Variants in CLASRP observed in about 807,000 individuals in gnomAD.
The protein encoded by CLASRP is CLK4-associating serine/arginine rich protein.
In CLASRP, 52 loss-of-function variants were observed where a neutral mutation model predicts 99.9. The observed-to-expected ratio is 0.52, with a 90% CI of 0.42 to 0.66. The LOEUF (loss-of-function observed/expected upper bound fraction) is 0.66. Ranked by LOEUF, CLASRP falls within the 30% of genes least tolerant of loss-of-function variation. CLASRP has a pLI of 0.00. For missense variants in CLASRP, 848 were observed against 999.2 expected (o/e 0.85, Z 2.04); for synonymous variants, 379 against 373.0 (o/e 1.02, Z -0.18).
intron 11 of CLASRP, 62 bp downstream of exon 11, chr19:45,062,257 GC>G: frequency 3.2e-6 from 3 of 941,050 alleles, no homozygotes; most frequent in East Asian, 2.4e-5. Context: ...GGACAGGGGT[GC>G]TGAGGAGGGG....
In CLASRP at chr19:45,056,405, A is replaced by G. The variant is rs776306248; in HGVS notation, c.380-45A>G. The G allele has an allele frequency of 3.1e-5, 48 of 1,568,528 alleles. No homozygotes were observed. In the East Asian group the frequency reaches 1.0e-3, roughly 33 times the overall value. On this transcript the variant is annotated intron_variant, in intron 5 of 20. Coordinates refer to ENST00000221455, the MANE Select transcript of CLASRP (RefSeq NM_007056.3). ...CCTTGTGTTCCCCCACTGAATTCCT[A>G]GTGTCCCCAACCCACTCTGACCTGG...
chr19:45,052,034 T>C (rs1056353141), intron 2 of CLASRP, 37 bp from the exon 3 acceptor site: 1 of 1,554,578 alleles, frequency 6.4e-7, no homozygotes, highest in African/African-American at 1.4e-5. Flanking sequence ...TTTGGAGCTC[T>C]GTTGGGTGGT....
At chr19:45,055,361 G>C (rs370617188) in intron 5 of CLASRP, among the ~76,000 whole-genome samples, 1 of 152,348 alleles carries the variant, frequency 6.6e-6, no homozygotes, top group South Asian at 2.1e-4. Flanking sequence ...GAGGGGCAGA[G>C]AGAAGGCCCG....
chr19:45,063,342 A>C (rs1279717529), intron 11 of CLASRP, among the ~76,000 whole-genome samples: 1 of 150,746 alleles, frequency 6.6e-6, no homozygotes, highest in Admixed American at 6.6e-5. Context: ...GAATTGCACC[A>C]CACTCAGTGT....
In CLASRP at chr19:45,061,785, TATCATC is replaced by T. The variant is rs553847506; in HGVS notation, c.864-348_864-343del. ...CACCGCACCCAGCCTATTTTAATCT[TATCATC>T]ATCATCATCATCATCATCATTAGTA... is the stretch of plus-strand genomic sequence containing the variant. On this transcript the variant is annotated intron_variant, in intron 10 of 20. Transcript: ENST00000221455. Among the ~76,000 whole-genome samples, 13 of 151,474 alleles carry T rather than the reference TATCATC, an allele frequency of 8.6e-5. 1 individual carries two copies. The highest frequency in any genetic ancestry group is 3.2e-4 in the African/African-American group (13 of 41,266).
chr19:45,052,722 G>A (rs1972047347), intron 3 of CLASRP, 69 bp from the exon 4 acceptor site: 1 of 1,144,068 alleles, frequency 8.7e-7, no homozygotes, highest in Non-Finnish European at 1.3e-6. Context: ...CTGGCAGGGA[G>A]CAGGTGCTTT....
At position 45,052,239 on chromosome 19, in the gene CLASRP, G is replaced by A. The variant is rs2122555112; in HGVS notation, c.197+71G>A. 4 of 1,326,168 alleles carry A rather than the reference G, an allele frequency of 3.0e-6. No individual in the cohort carries two copies. In the East Asian group the frequency reaches 6.9e-5, roughly 23 times the overall value. 82.2% of individuals were successfully genotyped at this position (1,326,168 alleles called of 1,614,324 possible). ...CAAAACGGACCTGGGGTGGTGTAGA[G>A]TGTGGAGCAGAGACTGAAGTATGGA... On this transcript the variant is annotated intron_variant, in intron 3 of 20. Transcript: ENST00000221455.
At chr19:45,062,989 G>A (rs1966975956) in intron 11 of CLASRP, among the ~76,000 whole-genome samples, 1 of 152,126 alleles carries the variant, frequency 6.6e-6, no homozygotes, top group Non-Finnish European at 1.5e-5. Flanking sequence ...TCCCTCTTCG[G>A]AATGGGGGTG....
chr19:45,054,006 T>C (rs1335424726), intron 5 of CLASRP, among the ~76,000 whole-genome samples: 2 of 152,276 alleles, frequency 1.3e-5, no homozygotes, highest in Non-Finnish European at 2.9e-5. Flanking sequence ...CTCCTTGATT[T>C]AAATGAATAT....
chr19:45,050,431 T>A (rs1972001669), intron 2 of CLASRP, among the ~76,000 whole-genome samples: 2 of 152,114 alleles, frequency 1.3e-5, no homozygotes, highest in Non-Finnish European at 2.9e-5. Context: ...ATGCCTGTAA[T>A]CCCAGCACTT....
intron 11 of CLASRP, among the ~76,000 whole-genome samples, chr19:45,063,607 C>T (rs1341920082): frequency 4.0e-5 from 6 of 151,530 alleles, no homozygotes; most frequent in Admixed American, 1.3e-4. Context: ...CCACCATGCT[C>T]GGCAAATTTT....
At chr19:45,044,205 A>G (rs2122530351) in intron 2 of CLASRP, among the ~76,000 whole-genome samples, 1 of 152,326 alleles carries the variant, frequency 6.6e-6, no homozygotes, top group East Asian at 1.9e-4. Context: ...TTAAGGGCCC[A>G]TGGTGCGCCA....
intron 2 of CLASRP, among the ~76,000 whole-genome samples, chr19:45,042,511 TTATATA>T (rs527367247): frequency 2.0e-5 from 3 of 148,516 alleles, no homozygotes; most frequent in Non-Finnish European, 4.5e-5. Context: ...AAAAAAAAAT[TTATATA>T]TATATATATA....
At chr19:45,052,530 T>C (rs1476124843) in intron 3 of CLASRP, among the ~76,000 whole-genome samples, 1 of 151,848 alleles carries the variant, frequency 6.6e-6, no homozygotes, top group Non-Finnish European at 1.5e-5. Context: ...TATTGCTTGG[T>C]TGTGAGAAAT....
At chr19:45,056,889 T>C (rs1404184153) in intron 6 of CLASRP, among the ~76,000 whole-genome samples, 1 of 151,998 alleles carries the variant, frequency 6.6e-6, no homozygotes, top group Non-Finnish European at 1.5e-5. Context: ...CTGCCTGGAG[T>C]TGGGAGGCAT....
Position 45,059,264 on chromosome 19 carries a change from G to T in CLASRP, c.614-4G>T. Reference sequence around the variant, plus strand: ...GGCTCCTGACAGCCTTTCTCTTGGTGCAGACGTGGAGGTGGACGTGGATGA... The same window carrying T: ...GGCTCCTGACAGCCTTTCTCTTGGTTCAGACGTGGAGGTGGACGTGGATGA... On this transcript the variant is annotated splice_polypyrimidine_tract_variant and splice_region_variant and intron_variant, in intron 7 of 20. Transcript: ENST00000221455. 2 of 1,607,984 alleles carry T rather than the reference G, an allele frequency of 1.2e-6. No individual in the cohort carries two copies. Among genetic ancestry groups the T allele is most frequent in the Non-Finnish European group, 1.7e-6 (2 of 1,177,006 alleles).
At position 45,070,789 on chromosome 19, in the gene CLASRP, C is replaced by T; in HGVS notation, c.1983-14C>T. ...TATGCCCCATCCTCACGGCCCCTCC[C>T]TTTCTCTTTCCAGGCGCTCAAGGTC... is the stretch of plus-strand genomic sequence containing the variant. On this transcript the variant is annotated splice_polypyrimidine_tract_variant and intron_variant, in intron 20 of 20. Coordinates refer to ENST00000221455, the MANE Select transcript of CLASRP (RefSeq NM_007056.3). The T allele has an allele frequency of 6.2e-7, 1 of 1,607,926 alleles. No individual in the cohort carries two copies. The highest frequency in any genetic ancestry group is 8.5e-7 in the Non-Finnish European group (1 of 1,175,876).
Position 45,070,075 on chromosome 19 carries a change from G to A in CLASRP, c.1928G>A (p.Arg643Gln), listed in dbSNP as rs142939842. 3.0e-5 allele frequency: 48 copies of A among 1,607,474 alleles called. No homozygotes were observed. The highest frequency in any genetic ancestry group is 2.5e-4 in the East Asian group (11 of 44,872). ...GAAGAGTGGGAACGCCAGTACAGCCGGCAGAGCCGCTCACCCTCCCCCCGA... is the reference window on the plus strand; with the variant it reads ...GAAGAGTGGGAACGCCAGTACAGCCAGCAGAGCCGCTCACCCTCCCCCCGA... ...EREEWERQYS[R>Q]QSRSPSPRYS... Residue 643 changes from arginine to glutamine, a missense_variant, in exon 19 of 21, where the codon CGG (arginine) becomes CAG (glutamine). By Grantham distance (43) the Arg-to-Gln change is conservative. Around this residue, in one of 8 missense-constraint regions of CLASRP, gnomAD observed 116 missense variants for 162.7 expected, o/e 0.71. Coordinates refer to ENST00000221455, the MANE Select transcript of CLASRP (RefSeq NM_007056.3).
At chr19:45,050,224 C>A (rs954466296) in intron 2 of CLASRP, among the ~76,000 whole-genome samples, 6 of 151,804 alleles carry the variant, frequency 4.0e-5, no homozygotes, top group African/African-American at 1.5e-4. Flanking sequence ...TGGGGTGCGG[C>A]CCAACATGTG....
Sources: gnomAD v4.1 joint callset for allele counts (sites outside exome capture counted in the v4.1 genomes callset) on GRCh38, gnomAD v4.1.1 for gene constraint, gnomAD v4.1.1 regional missense constraint, MANE v1.5 for transcripts, NCBI Gene and HGNC (gene_info 2026-07-23, HGNC 2026-07-21) for gene names.